LSR: variants seen among roughly 807,000 people sequenced by gnomAD.
The protein encoded by LSR is lipolysis-stimulated lipoprotein receptor.
Under a neutral mutation model 61.8 loss-of-function variants are expected in LSR, and 44 were observed. The observed-to-expected ratio is 0.71, with a 90% CI of 0.56 to 0.91. The LOEUF (loss-of-function observed/expected upper bound fraction) is 0.91, where lower values mean the gene tolerates loss of function less well. Among genes scored for constraint, LSR ranks in the 40% least tolerant of loss-of-function variants. The pLI is 0.00. For missense variants in LSR, 911 were observed against 830.5 expected, an observed-to-expected ratio of 1.10 and a Z score of -1.19; for synonymous variants, 397 against 350.6, an observed-to-expected ratio of 1.13 and a Z score of -1.48.
intron 2 of LSR, among the ~76,000 whole-genome samples, chr19:35,255,950 A>G (rs1425623687): frequency 1.3e-5 from 2 of 151,366 alleles, no homozygotes; most frequent in East Asian, 2.0e-4. Context: ...TTAAGAGCTC[A>G]GGCCTAGCGA....
intron 2 of LSR, among the ~76,000 whole-genome samples, 183 bp downstream of exon 2, chr19:35,250,842 C>CTGGAG (rs960275520): frequency 1.8e-4 from 26 of 148,154 alleles, no homozygotes; most frequent in Admixed American, 1.6e-3. Flanking sequence ...GGACTCCAGG[C>CTGGAG]TGGAGTGCAG....
intron 5 of LSR, 82 bp from the exon 6 acceptor site, chr19:35,266,277 C>T (rs1383932180): frequency 2.2e-5 from 26 of 1,197,678 alleles, no homozygotes; most frequent in Non-Finnish European, 3.0e-5. Context: ...GGTCCAGGCC[C>T]AGGTCCCTCC....
At position 35,267,920 on chromosome 19, in the gene LSR, G is replaced by A. The variant is rs1599613606; in HGVS notation, c.*61G>A. 6.4e-7 allele frequency: 1 copy of A among 1,558,938 alleles called. No homozygotes were observed. The highest frequency in any genetic ancestry group is 1.7e-5 in the Admixed American group (1 of 59,464). ...TTTAATTTGAAGGAACACTGATGAA[G>A]CCCTGCCATACCCCTCCCGAGTCTA... On this transcript the variant is annotated 3_prime_UTR_variant, in exon 10 of 10. Transcript: ENST00000605618.
chr19:35,265,712 G>C (rs1161820494), intron 5 of LSR, among the ~76,000 whole-genome samples: 1 of 152,142 alleles, frequency 6.6e-6, no homozygotes, highest in Non-Finnish European at 1.5e-5. Flanking sequence ...AATGGGTGCA[G>C]TCCATGAGTT....
chr19:35,259,141 G>A (rs1163877357), intron 3 of LSR, 77 bp downstream of exon 3: 33 of 1,528,552 alleles, frequency 2.2e-5, no homozygotes, highest in Admixed American at 5.4e-5. Flanking sequence ...CCCTGTGTCC[G>A]CCCTCTGCCC....
rs780471715 is a variant in LSR at position 35,262,693 on chromosome 19, G to T, written c.778+1G>T. 6.2e-7 allele frequency: 1 copy of T among 1,612,840 alleles called. No homozygotes were observed. The highest frequency in any genetic ancestry group is 8.5e-7 in the Non-Finnish European group (1 of 1,179,656). On this transcript the variant is annotated splice_donor_variant, in intron 5 of 9. Transcript: ENST00000605618. LOFTEE classifies it high-confidence loss of function. ...GACAAGTGCTGCTGCCCCGAGGCCCGTAAGTGTCCCGCTCATGGCCACCCT... is the reference window on the plus strand; with the variant it reads ...GACAAGTGCTGCTGCCCCGAGGCCCTTAAGTGTCCCGCTCATGGCCACCCT...
chr19:35,256,827 T>G (rs2065863048), intron 2 of LSR, among the ~76,000 whole-genome samples: 1 of 151,144 alleles, frequency 6.6e-6, no homozygotes, highest in African/African-American at 2.4e-5. Flanking sequence ...GGAGAGGGGG[T>G]TCGTTTCCTT....
chr19:35,250,419 A>G lies in LSR; in HGVS notation c.214A>G (p.Thr72Ala), dbSNP rs774582977. ...TACCTACCAGATGACCTCGACCCCC[A>G]CGCAACCCATCGTCATCTGGAAGTA... ...PCTYQMTSTP[T>A]QPIVIWKYKS... The change falls in exon 2 of 10, where the codon ACG becomes GCG. Residue 72 changes from threonine (T) to alanine (A), a missense_variant. By Grantham distance (58) the Thr-to-Ala change is moderately conservative. Transcript: ENST00000605618. The G allele has an allele frequency of 2.5e-6, 4 of 1,613,696 alleles. No homozygotes were observed. The South Asian group carries it at 3.3e-5, about 13-fold the overall frequency.
chr19:35,266,112 C>T (rs574243597), intron 5 of LSR, among the ~76,000 whole-genome samples: 191 of 152,314 alleles, frequency 1.3e-3, no homozygotes, highest in Non-Finnish European at 2.0e-3. Flanking sequence ...TGGGTGCCTG[C>T]GTGCACCCTC....
chr19:35,256,699 GATGAATGAATGA>G lies in LSR; in HGVS notation c.455-2224_455-2213del, dbSNP rs71167530. Among the ~76,000 whole-genome samples, 7 of 150,730 alleles carry G rather than the reference GATGAATGAATGA, an allele frequency of 4.6e-5. No individual in the cohort carries two copies. The East Asian group carries it at 5.8e-4, about 13-fold the overall frequency. The stretch of plus-strand genomic sequence containing the variant: ...TGGTACTCAGTAATTATTGTTGAAG[GATGAATGAATGA>G]ATGAATGAATGAATGAATGAAAGAA... On this transcript the variant is annotated intron_variant, in intron 2 of 9. Transcript: ENST00000605618.
Position 35,262,673 on chromosome 19 carries a change from G to A in LSR, c.759G>A (p.Lys253=). The A allele has an allele frequency of 1.2e-6, 2 of 1,613,922 alleles. No homozygotes were observed. Among genetic ancestry groups the A allele is most frequent in the Non-Finnish European group, 1.7e-6 (2 of 1,179,948 alleles). The change falls in exon 5 of 10, where the codon AAG becomes AAA. Residue 253 remains lysine, a synonymous_variant. Coordinates refer to ENST00000605618, the MANE Select transcript of LSR (RefSeq NM_205834.4). ...CYVRCPCCPD[K]CCCPEALYAA... ...TCAGGTGCCCCTGCTGCCCAGACAA[G>A]TGCTGCTGCCCCGAGGCCCGTAAGT...
chr19:35,253,840 C>T (rs2065824638), intron 2 of LSR, among the ~76,000 whole-genome samples: 1 of 152,158 alleles, frequency 6.6e-6, no homozygotes, highest in African/African-American at 2.4e-5. Flanking sequence ...GGTGCTTCCT[C>T]TGCTGGACGC....
chr19:35,256,925 C>T (rs905086301), intron 2 of LSR, among the ~76,000 whole-genome samples: 10 of 152,008 alleles, frequency 6.6e-5, no homozygotes, highest in Non-Finnish European at 1.2e-4. Flanking sequence ...CAATCTCTGC[C>T]TCCTGAGTTC....
Position 35,249,015 on chromosome 19 carries a change from C to T in LSR, c.-8C>T, listed in dbSNP as rs776233390. 21 of 1,607,808 alleles carry T rather than the reference C, an allele frequency of 1.3e-5. No homozygotes were observed. The highest frequency in any genetic ancestry group is 8.0e-5 in the African/African-American group (6 of 74,738). On this transcript the variant is annotated 5_prime_UTR_variant, in exon 1 of 10. The change creates a new upstream start codon in the 5' untranslated region. Transcript: ENST00000605618. ...GACGCGCGGGCCAGACGCGCCCAGA[C>T]GGCCGCGATGGCGCTGTTGGCCGGC... is the stretch of plus-strand genomic sequence containing the variant.
chr19:35,262,242 C>T, intron 4 of LSR, among the ~76,000 whole-genome samples: 1 of 152,168 alleles, frequency 6.6e-6, no homozygotes, highest in Non-Finnish European at 1.5e-5. Context: ...GTCTGGGCAG[C>T]TGGCTCTCTC....
At chr19:35,259,172 C>CT in intron 3 of LSR, 108 bp downstream of exon 3, 1 of 1,389,720 alleles carries the variant, frequency 7.2e-7, no homozygotes, top group South Asian at 1.4e-5. Context: ...CCTCTGGGCT[C>CT]TGTCGCCTGC....
At chr19:35,255,226 G>A in intron 2 of LSR, among the ~76,000 whole-genome samples, 1 of 152,104 alleles carries the variant, frequency 6.6e-6, no homozygotes, top group South Asian at 2.1e-4. Context: ...CTCTGGAGAT[G>A]GGAAGATTGC....
In LSR at chr19:35,267,063, G is replaced by C. The variant is rs752794157; in HGVS notation, c.1145-46G>C. The C allele has an allele frequency of 2.6e-6, 4 of 1,533,038 alleles. No individual in the cohort carries two copies. In the East Asian group the frequency reaches 9.1e-5, roughly 35 times the overall value. 95.0% of individuals were successfully genotyped at this position (1,533,038 alleles called of 1,614,324 possible). The stretch of plus-strand genomic sequence containing the variant: ...GCAGGGACTCTTGGTGCAAACCCTG[G>C]ACCCCGGGCTCCTCCAGCAGTCAGT... On this transcript the variant is annotated intron_variant, in intron 8 of 9. Transcript: ENST00000605618.
At chr19:35,257,859 C>G (rs2065875043) in intron 2 of LSR, among the ~76,000 whole-genome samples, 2 of 152,196 alleles carry the variant, frequency 1.3e-5, no homozygotes, top group African/African-American at 4.8e-5. Context: ...TAACAGGCTC[C>G]TTGCCTGCAG....
Sources: allele counts gnomAD v4.1 joint callset (sites outside exome capture counted in the v4.1 genomes callset), GRCh38; gene constraint gnomAD v4.1.1; transcripts MANE v1.5; gene names NCBI Gene and HGNC (gene_info 2026-07-23, HGNC 2026-07-21).